Variants in GNPTAB observed in about 807,000 individuals in gnomAD.
The protein encoded by GNPTAB is N-acetylglucosamine-1-phosphotransferase subunits alpha/beta.
In GNPTAB, 92 loss-of-function variants were observed where a neutral mutation model predicts 136.6. The observed-to-expected ratio is 0.67, with a 90% confidence interval of 0.57 to 0.80. GNPTAB has a LOEUF of 0.80. Ranked by LOEUF, GNPTAB falls within the 30% of genes least tolerant of loss-of-function variation. GNPTAB has a pLI of 0.00. For synonymous variants in GNPTAB, 512 were observed against 535.1 expected (o/e 0.96, Z 0.60); for missense variants, 1,343 against 1,501.8 (o/e 0.89, Z 1.75).
At chr12:101,807,944 T>C (rs991739058) in intron 1 of GNPTAB, among the ~76,000 whole-genome samples, 24 of 152,192 alleles carry the variant, frequency 1.6e-4, no homozygotes, top group African/African-American at 5.8e-4. Flanking sequence ...TGCTCTCCTA[T>C]ATAACAACAA....
chr12:101,811,759 T>C (rs1309928658), intron 1 of GNPTAB, among the ~76,000 whole-genome samples: 1 of 151,438 alleles, frequency 6.6e-6, no homozygotes, highest in Non-Finnish European at 1.5e-5. Context: ...TTGCCTCAGC[T>C]TCCCAAGGAG....
chr12:101,776,362 A>G (rs980237985), intron 7 of GNPTAB, among the ~76,000 whole-genome samples: 1 of 152,238 alleles, frequency 6.6e-6, no homozygotes, highest in Non-Finnish European at 1.5e-5. Context: ...TGTCCGTCAT[A>G]CACAAAAATT....
At chr12:101,804,319 G>T (rs901571275) in intron 1 of GNPTAB, among the ~76,000 whole-genome samples, 1 of 151,492 alleles carries the variant, frequency 6.6e-6, no homozygotes, top group African/African-American at 2.4e-5. Context: ...AATCACACTT[G>T]GCTAAAAGGA....
rs563962621 is a variant in GNPTAB, at chr12:101,771,044, C to A, written c.885G>T (p.Leu295=). The part of the protein sequence containing the change: ...KKNMTIDGKE[L]TISPAYLLWD... ...ATAATAAATATGCAGGACTTATGGTCAGTTCTTTTCCATCAATGGTCATGT... is the reference window on the plus strand; with the variant it reads ...ATAATAAATATGCAGGACTTATGGTAAGTTCTTTTCCATCAATGGTCATGT... The change falls in exon 8 of 21, where the codon CTG becomes CTT. Residue 295 remains leucine, a synonymous_variant. Coordinates refer to ENST00000299314, the MANE Select transcript of GNPTAB (RefSeq NM_024312.5). 3 of 1,614,032 alleles carry A rather than the reference C, an allele frequency of 1.9e-6. No individual in the cohort carries two copies. The Admixed American group carries it at 5.0e-5, about 27-fold the overall frequency.
chr12:101,801,768 T>G (rs1228474275), intron 1 of GNPTAB, among the ~76,000 whole-genome samples: 2 of 151,668 alleles, frequency 1.3e-5, no homozygotes, highest in Non-Finnish European at 2.9e-5. Context: ...CTAGCCTGAG[T>G]GTGGTGGCTC....
chr12:101,760,981 G>A (rs568880154), intron 15 of GNPTAB, 146 bp downstream of exon 15: 11 of 665,780 alleles, frequency 1.7e-5, no homozygotes, highest in South Asian at 9.7e-5. Context: ...GGGTTTCACC[G>A]TGTTGCCCAG....
chr12:101,816,055 T>C (rs1870498364), intron 1 of GNPTAB, among the ~76,000 whole-genome samples: 1 of 152,128 alleles, frequency 6.6e-6, no homozygotes, highest in African/African-American at 2.4e-5. Flanking sequence ...TCAAAATGGA[T>C]TAAAGACTTA....
chr12:101,769,600 T>A (rs1953141172), intron 10 of GNPTAB, among the ~76,000 whole-genome samples: 1 of 152,024 alleles, frequency 6.6e-6, no homozygotes, highest in Non-Finnish European at 1.5e-5. Context: ...CTATATATAT[T>A]TTTTTATTTT....
rs1953050054 is a variant in GNPTAB, at chr12:101,764,260, T to C, written c.2657A>G (p.Asp886Gly). The change falls in exon 13 of 21, where the codon GAT (aspartate) becomes GGT (glycine). Residue 886 changes from aspartate to glycine, a missense_variant. Transcript: ENST00000299314. ...CCATGGCAAAAAGCCCAAGTAACTA[T>C]CTGTGTAATGCTGCAGCTTTCTTCC... is the stretch of plus-strand genomic sequence containing the variant. Reference protein sequence around the residue: ...LLGRKLQHYTDSYLGFLPWEK... With the variant: ...LLGRKLQHYTGSYLGFLPWEK... The C allele has an allele frequency of 6.2e-7, 1 of 1,614,112 alleles. No homozygotes were observed. Among genetic ancestry groups the C allele is most frequent in the Non-Finnish European group, 8.5e-7 (1 of 1,179,998 alleles).
chr12:101,785,334 C>G (rs1204003628), intron 5 of GNPTAB, among the ~76,000 whole-genome samples: 2 of 152,206 alleles, frequency 1.3e-5, no homozygotes, highest in African/African-American at 4.8e-5. Context: ...TCCCAAGTAG[C>G]TAGGACTACA....
At chr12:101,785,385 CTGT>C (rs889642277) in intron 5 of GNPTAB, among the ~76,000 whole-genome samples, 5 of 152,034 alleles carry the variant, frequency 3.3e-5, no homozygotes, top group African/African-American at 4.8e-5. Flanking sequence ...TTTTTGGTTG[CTGT>C]TGTTGTTTTT....
intron 1 of GNPTAB, among the ~76,000 whole-genome samples, chr12:101,803,324 T>C (rs568983886): frequency 6.6e-6 from 1 of 152,342 alleles, no homozygotes; most frequent in South Asian, 2.1e-4. Flanking sequence ...AAGCTTTATC[T>C]TTTCTACTAA....
intron 13 of GNPTAB, among the ~76,000 whole-genome samples, chr12:101,762,672 A>C (rs1378373575): frequency 1.3e-5 from 2 of 152,344 alleles, no homozygotes; most frequent in Non-Finnish European, 2.9e-5. Context: ...AGGCAACTGC[A>C]GGGAAATATA....
intron 4 of GNPTAB, among the ~76,000 whole-genome samples, 175 bp downstream of exon 4, chr12:101,788,373 A>G (rs777533433): frequency 7.2e-5 from 11 of 152,230 alleles, no homozygotes; most frequent in Non-Finnish European, 1.3e-4. Context: ...ATTCTCAGTC[A>G]ACTATGCACT....
At chr12:101,766,645 C>CA (rs1953099644) in intron 11 of GNPTAB, among the ~76,000 whole-genome samples, 1 of 151,924 alleles carries the variant, frequency 6.6e-6, no homozygotes, top group African/African-American at 2.4e-5. Context: ...TCTCAAAAAA[C>CA]AAAAAACGAA....
rs1868637420 is a variant in GNPTAB at position 101,786,197 on chromosome 12, A to G, written c.386T>C (p.Leu129Ser). 1 of 1,613,354 alleles carries G rather than the reference A, an allele frequency of 6.2e-7. No individual in the cohort carries two copies. Among genetic ancestry groups the G allele is most frequent in the Non-Finnish European group, 8.5e-7 (1 of 1,179,642 alleles). The change falls in exon 5 of 21, where the codon TTG becomes TCG. Residue 129 changes from leucine to serine, a missense_variant. Coordinates refer to ENST00000299314, the MANE Select transcript of GNPTAB (RefSeq NM_024312.5). ...TKKSEKQLEC[L>S]LTHCIKVPML... ...TGGCACCTTAATGCAGTGTGTTAGC[A>G]AACACTCTAACTGCTTCTCACTGGA...
intron 10 of GNPTAB, among the ~76,000 whole-genome samples, chr12:101,769,777 T>G (rs892059627): frequency 7.3e-5 from 11 of 151,530 alleles, no homozygotes; most frequent in Admixed American, 7.2e-4. Flanking sequence ...ACATGAGTAT[T>G]CCACCGGGCC....
intron 2 of GNPTAB, chr12:101,796,389 T>C (rs1869291103): frequency 3.0e-6 from 2 of 663,298 alleles, no homozygotes; most frequent in Non-Finnish European, 5.4e-6. Context: ...CAGATGGACA[T>C]ATTTTCTTTC....
chr12:101,765,055 T>A lies in GNPTAB; in HGVS notation c.1862A>T (p.Asn621Ile). ...TATCTGCATTTTGAACTCTTCATCG[T>A]TTGTATTTTGAAACGTGAGATTAAA... The part of the protein sequence containing the change: ...IHFNLTFQNT[N>I]DEEFKMQITV... The change falls in exon 13 of 21, where the codon AAC (asparagine) becomes ATC (isoleucine). Residue 621 changes from asparagine (N) to isoleucine (I), a missense_variant. Coordinates refer to ENST00000299314, the MANE Select transcript of GNPTAB (RefSeq NM_024312.5). 1 of 1,614,146 alleles carries A rather than the reference T, an allele frequency of 6.2e-7. No homozygotes were observed. The highest frequency in any genetic ancestry group is 1.7e-5 in the Admixed American group (1 of 60,026).
Sources: gnomAD v4.1 joint callset for allele counts (sites outside exome capture counted in the v4.1 genomes callset) on GRCh38, gnomAD v4.1.1 for gene constraint, MANE v1.5 for transcripts, NCBI Gene and HGNC (gene_info 2026-07-23, HGNC 2026-07-21) for gene names.